The following THBS4 variants were observed in gnomAD, a reference collection of about 807,000 sequenced individuals.
THBS4 encodes the protein thrombospondin 4, also known as thrombospondin-4.
A neutral mutation model predicts 115.7 loss-of-function variants in THBS4; 90 were observed. That is an observed-to-expected ratio of 0.78 (90% CI 0.66 to 0.93). The LOEUF is 0.93. Among genes scored for constraint, THBS4 ranks in the 40% least tolerant of loss-of-function variants. The pLI, the probability that THBS4 is intolerant of heterozygous loss-of-function variation, is 0.00. For synonymous variants in THBS4, 460 were observed against 479.3 expected (o/e 0.96, Z 0.53); for missense variants, 1,087 against 1,232.7 (o/e 0.88, Z 1.77).
chr5:80,035,561 C>T lies in THBS4; in HGVS notation c.24C>T (p.Ala8=), dbSNP rs953398901. The T allele has an allele frequency of 5.6e-6, 8 of 1,424,486 alleles. No homozygotes were observed. In the African/African-American group the frequency reaches 8.8e-5, roughly 16 times the overall value. The allele number at this position is 1,424,486 out of a possible 1,614,324, so 88.2% of individuals were successfully genotyped here. MLAPRGA[A]VLLLHLVLQR... ...ACATGCTGGCCCCGCGCGGAGCCGC[C>T]GTCCTCCTGCTGCACCTGGTCCTGC... is the stretch of plus-strand genomic sequence containing the variant. The change falls in exon 1 of 22, where the codon GCC becomes GCT. Residue 8 remains alanine (A), a synonymous_variant. Coordinates refer to ENST00000350881, the MANE Select transcript of THBS4 (RefSeq NM_003248.6). This position sits in a 1 kb window ranked among gnomAD's most constrained non-coding sequence, Gnocchi z 4.6.
intron 1 of THBS4, among the ~76,000 whole-genome samples, chr5:80,039,586 C>T (rs1329032480): frequency 6.6e-6 from 1 of 152,190 alleles, no homozygotes; most frequent in Admixed American, 6.5e-5. Flanking sequence ...CATCTACCAC[C>T]ATAGCCATGT....
upstream of THBS4, among the ~76,000 whole-genome samples, chr5:80,032,735 TCTC>T (rs1451161056): frequency 2.6e-5 from 4 of 152,186 alleles, no homozygotes; most frequent in African/African-American, 7.2e-5. Flanking sequence ...TCTTCCGTCT[TCTC>T]CTGCCTGCTT....
At chr5:80,043,628 T>A (rs1421166342) in intron 2 of THBS4, among the ~76,000 whole-genome samples, 1 of 152,148 alleles carries the variant, frequency 6.6e-6, no homozygotes, top group Non-Finnish European at 1.5e-5. Flanking sequence ...CTACACAGCA[T>A]CAAAGAGCAG....
At chr5:80,054,154 CTTTTCTT>C (rs1833343169) in intron 2 of THBS4, among the ~76,000 whole-genome samples, 2 of 109,658 alleles carry the variant, frequency 1.8e-5, no homozygotes, top group Non-Finnish European at 3.7e-5. Context: ...CTTTTCTTTT[CTTTTCTT>C]TTTTTTTTTT....
At chr5:80,021,678 C>T (rs1419788939) in intron 2 of THBS4, among the ~76,000 whole-genome samples, 1 of 151,990 alleles carries the variant, frequency 6.6e-6, no homozygotes, top group Non-Finnish European at 1.5e-5. Flanking sequence ...TTTGTAGACA[C>T]GGGGTCTGTG....
At chr5:80,027,750 T>C (rs578143575) in intron 2 of THBS4, among the ~76,000 whole-genome samples, 1 of 151,448 alleles carries the variant, frequency 6.6e-6, no homozygotes, top group Non-Finnish European at 1.5e-5. Flanking sequence ...AATACAAAAA[T>C]TGGCCAGGCA....
At chr5:80,025,823 TG>T (rs1161024971) in intron 2 of THBS4, among the ~76,000 whole-genome samples, 1 of 152,220 alleles carries the variant, frequency 6.6e-6, no homozygotes, top group Non-Finnish European at 1.5e-5. Context: ...CCTGGATTTC[TG>T]GGTAAACTTT....
intron 10 of THBS4, 107 bp downstream of exon 10, chr5:80,068,232 A>G: frequency 7.3e-7 from 1 of 1,377,506 alleles, no homozygotes. Context: ...AAATGAAAGC[A>G]TTGCAATTAA....
intron 20 of THBS4, among the ~76,000 whole-genome samples, chr5:80,080,913 C>T (rs1743473230): frequency 6.6e-6 from 1 of 152,112 alleles, no homozygotes; most frequent in African/African-American, 2.4e-5. Flanking sequence ...TTGATCTCCC[C>T]AGTGCCTAGC....
chr5:80,055,700 A>C (rs1833400231), intron 2 of THBS4, 85 bp from the exon 3 acceptor site: 1 of 1,541,922 alleles, frequency 6.5e-7, no homozygotes, highest in Non-Finnish European at 8.8e-7. Context: ...TGTTCAGCAC[A>C]GGACACTTAT....
chr5:80,022,012 C>T (rs1328103327), intron 2 of THBS4, among the ~76,000 whole-genome samples: 1 of 152,124 alleles, frequency 6.6e-6, no homozygotes, highest in Non-Finnish European at 1.5e-5. Flanking sequence ...GTCTAAGCTA[C>T]CCTACACTGA....
At chr5:80,049,095 T>C (rs776661651) in intron 2 of THBS4, among the ~76,000 whole-genome samples, 1 of 152,214 alleles carries the variant, frequency 6.6e-6, no homozygotes, top group Non-Finnish European at 1.5e-5. Context: ...AATATTATCA[T>C]TTCCAGTTCT....
At chr5:80,037,827 TAA>T (rs1393347954) in intron 1 of THBS4, among the ~76,000 whole-genome samples, 1 of 152,228 alleles carries the variant, frequency 6.6e-6, no homozygotes, top group Non-Finnish European at 1.5e-5. Flanking sequence ...AGTGGAAATG[TAA>T]AGTTTCCAAT....
intron 8 of THBS4, among the ~76,000 whole-genome samples, chr5:80,062,684 C>G (rs556784569): frequency 2.0e-5 from 3 of 152,152 alleles, no homozygotes; most frequent in Non-Finnish European, 2.9e-5. Flanking sequence ...TCCTTCCCCC[C>G]TCCCCCTACC....
At chr5:79,998,794 A>G (rs1437468117) in intron 2 of THBS4, among the ~76,000 whole-genome samples, 11 of 152,238 alleles carry the variant, frequency 7.2e-5, no homozygotes, top group African/African-American at 2.4e-5. Context: ...TATCCAGAGC[A>G]TTCAACCAGA....
At chr5:80,024,448 C>A (rs1832436473) in intron 2 of THBS4, among the ~76,000 whole-genome samples, 1 of 152,168 alleles carries the variant, frequency 6.6e-6, no homozygotes, top group South Asian at 2.1e-4. Flanking sequence ...TGGTTCTTAA[C>A]CCATAAGGTA....
At chr5:80,014,749 C>T (rs1408448939) in intron 2 of THBS4, among the ~76,000 whole-genome samples, 1 of 152,140 alleles carries the variant, frequency 6.6e-6, no homozygotes, top group African/African-American at 2.4e-5. Flanking sequence ...GAGTATACTT[C>T]TATTACCTGG....
Position 80,068,594 on chromosome 5 carries a change from C to T in THBS4, c.1347+469C>T, listed in dbSNP as rs533713681. On this transcript the variant is annotated intron_variant, in intron 10 of 21. Coordinates refer to ENST00000350881, the MANE Select transcript of THBS4 (RefSeq NM_003248.6). ...GACGCTCCTGTTGGGGGTGGGCCATCGTGTAGAGGTGGGGACTGTCATAGT... is the reference window on the plus strand; with the variant it reads ...GACGCTCCTGTTGGGGGTGGGCCATTGTGTAGAGGTGGGGACTGTCATAGT... 8.3e-5 allele frequency: 14 copies of T among 169,124 alleles called. No homozygotes were observed. In the South Asian group the frequency reaches 1.1e-3, roughly 13 times the overall value. 10.5% of individuals were successfully genotyped at this position (169,124 alleles called of 1,614,324 possible).
chr5:80,082,253 C>T, intron 20 of THBS4, 153 bp from the exon 21 acceptor site: 2 of 999,636 alleles, frequency 2.0e-6, no homozygotes, highest in Non-Finnish European at 2.9e-6. Context: ...GTGGCAACAG[C>T]TACAGTACAA....
Sources: gnomAD v4.1 joint callset for allele counts (sites outside exome capture counted in the v4.1 genomes callset) on GRCh38, gnomAD v4.1.1 for gene constraint, Gnocchi (gnomAD v3.1) non-coding constraint, MANE v1.5 for transcripts, NCBI Gene and HGNC (gene_info 2026-07-23, HGNC 2026-07-21) for gene names.